NBPF12: variants seen among roughly 807,000 people sequenced by gnomAD.
NBPF12 encodes NBPF member 12, also known as NBPF family member NBPF12.
NBPF12 carries 115 observed loss-of-function variants against 146.4 expected under a neutral mutation model. The observed-to-expected ratio is 0.79, with a 90% CI of 0.68 to 0.92. NBPF12 has a LOEUF of 0.92. Among genes scored for constraint, NBPF12 ranks in the 40% least tolerant of loss-of-function variants. NBPF12 has a pLI of 0.00. For missense variants in NBPF12, 1,205 were observed against 1,326.8 expected, an observed-to-expected ratio of 0.91 and a Z score of 1.43; for synonymous variants, 385 against 508.9, an observed-to-expected ratio of 0.76 and a Z score of 3.28.
chr1:146,973,997 C>G (rs1656828313), intron 14 of NBPF12, among the ~76,000 whole-genome samples: 1 of 150,894 alleles, frequency 6.6e-6, no homozygotes, highest in Non-Finnish European at 1.5e-5. Context: ...TTGTCTGTCC[C>G]TCAGTTTCCT....
intron 2 of NBPF12, among the ~76,000 whole-genome samples, chr1:146,954,763 T>C (rs1655488850): frequency 6.7e-6 from 1 of 150,346 alleles, no homozygotes; most frequent in South Asian, 2.1e-4. Flanking sequence ...ATCAAGATTA[T>C]GTGTTTTGTT....
intron 21 of NBPF12, among the ~76,000 whole-genome samples, 164 bp from the exon 25 acceptor site, chr1:146,984,649 T>A (rs1157147725): frequency 6.9e-6 from 1 of 144,140 alleles, no homozygotes; most frequent in Non-Finnish European, 1.5e-5. Flanking sequence ...CTTTTCTACC[T>A]GGCCCTAGTC....
At chr1:146,950,876 T>C (rs1570820173) in intron 1 of NBPF12, among the ~76,000 whole-genome samples, 1 of 152,302 alleles carries the variant, frequency 6.6e-6, no homozygotes, top group South Asian at 2.1e-4. Flanking sequence ...TGGACATTCT[T>C]GTATATATCA....
chr1:146,971,093 A>C, intron 12 of NBPF12, 90 bp from the exon 16 acceptor site: 1 of 1,597,390 alleles, frequency 6.3e-7, no homozygotes, highest in African/African-American at 1.4e-5. Context: ...CACTCTCTTA[A>C]TGCCGCTTGT....
intron 13 of NBPF12, among the ~76,000 whole-genome samples, chr1:146,972,388 C>T (rs1407543236): frequency 7.3e-5 from 11 of 150,702 alleles, no homozygotes; most frequent in South Asian, 2.1e-4. Flanking sequence ...AGTGAGACGC[C>T]GTCTCAAACA....
intron 8 of NBPF12, among the ~76,000 whole-genome samples, chr1:146,965,507 G>T (rs1163394210): frequency 6.6e-6 from 1 of 151,036 alleles, no homozygotes; most frequent in Non-Finnish European, 1.5e-5. Context: ...TCTTGGCTGG[G>T]CACAGTGGGT....
chr1:146,967,084 G>T (rs1394430166), intron 9 of NBPF12, among the ~76,000 whole-genome samples: 1 of 150,814 alleles, frequency 6.6e-6, no homozygotes, highest in Non-Finnish European at 1.5e-5. Context: ...GGCCCAATAC[G>T]CAAAGCTCTG....
intron 2 of NBPF12, among the ~76,000 whole-genome samples, chr1:146,954,967 G>GGAATAT (rs1655510446): frequency 3.1e-5 from 1 of 32,696 alleles, no homozygotes; most frequent in South Asian, 1.4e-3. Context: ...CTCCAAATAG[G>GGAATAT]GAATATATAT....
At chr1:146,984,610 T>C (rs1333337189) in intron 21 of NBPF12, among the ~76,000 whole-genome samples, 1 of 146,628 alleles carries the variant, frequency 6.8e-6, no homozygotes, top group Non-Finnish European at 1.5e-5. Flanking sequence ...TGTGTGTGTG[T>C]GTGTGTGTGT....
At chr1:146,981,178 T>C (rs1657349665) in intron 19 of NBPF12, among the ~76,000 whole-genome samples, 2 of 135,430 alleles carry the variant, frequency 1.5e-5, no homozygotes, top group Admixed American at 1.6e-4. Flanking sequence ...ATACCTAATG[T>C]TAAATGATGA....
intron 1 of NBPF12, among the ~76,000 whole-genome samples, chr1:146,939,999 C>G (rs1426632390): frequency 3.3e-5 from 5 of 150,934 alleles, no homozygotes; most frequent in African/African-American, 7.3e-5. Context: ...AAAAAAAAAG[C>G]CTTTTCTTGC....
Position 146,969,703 on chromosome 1 carries a change from A to G in NBPF12, c.1306+107A>G, listed in dbSNP as rs1225900038. On this transcript the variant is annotated intron_variant, in intron 11 of 33. Coordinates refer to ENST00000617844, the Ensembl canonical transcript of NBPF12. ...TGTATCAGTGGGGTTTTTTTCTACT[A>G]CACATGTGTGGCCATGACATGACCA... is the stretch of plus-strand genomic sequence containing the variant. The G allele has an allele frequency of 3.8e-6, 6 of 1,566,290 alleles. No homozygotes were observed. In the East Asian group the frequency reaches 1.4e-4, roughly 35 times the overall value.
At chr1:146,976,671 C>T (rs1333883672) in intron 16 of NBPF12, among the ~76,000 whole-genome samples, 1 of 151,702 alleles carries the variant, frequency 6.6e-6, no homozygotes, top group African/African-American at 2.4e-5. Flanking sequence ...AGAGGCTGCA[C>T]AAGCCTCCAG....
intron 2 of NBPF12, among the ~76,000 whole-genome samples, chr1:146,958,130 C>T (rs1432628836): frequency 1.7e-5 from 2 of 117,126 alleles, no homozygotes. Context: ...AATGCTATCC[C>T]TCCCCCAGCC....
At chr1:146,995,148 A>C (rs1553890343) in exon 34 of NBPF12, 1 of 134,650 alleles carries the variant, frequency 7.4e-6, no homozygotes, top group African/African-American at 3.3e-5. Flanking sequence ...AATTGGTGTC[A>C]GTACTTAGGA....
chr1:146,965,896 T>C (rs1415992597), intron 8 of NBPF12, among the ~76,000 whole-genome samples: 5 of 143,554 alleles, frequency 3.5e-5, no homozygotes, highest in African/African-American at 5.2e-5. Context: ...ACACCTGAGC[T>C]CAGGAGATCG....
chr1:146,975,091 C>T (rs1210944379), intron 15 of NBPF12, among the ~76,000 whole-genome samples: 1 of 125,760 alleles, frequency 8.0e-6, no homozygotes, highest in Non-Finnish European at 1.6e-5. Context: ...ATTTACATAA[C>T]ACAAAATTAA....
intron 19 of NBPF12, among the ~76,000 whole-genome samples, chr1:146,980,283 G>A (rs1300555760): frequency 6.6e-6 from 1 of 152,040 alleles, no homozygotes; most frequent in Non-Finnish European, 1.5e-5. Context: ...GCCATTCTGT[G>A]TTTTTTAACT....
chr1:146,947,817 T>A (rs2487947), upstream of NBPF12, among the ~76,000 whole-genome samples: 1 of 150,990 alleles, frequency 6.6e-6, no homozygotes, highest in Admixed American at 6.6e-5. Context: ...GGATGGTTTT[T>A]GGGGGAACAT....
Sources: gnomAD v4.1 joint callset for allele counts (sites outside exome capture counted in the v4.1 genomes callset) on GRCh38, gnomAD v4.1.1 for gene constraint, MANE v1.5 for transcripts, NCBI Gene and HGNC (gene_info 2026-07-23, HGNC 2026-07-21) for gene names.